The following VAV1 variants were observed in gnomAD, a reference collection of about 807,000 sequenced individuals.
VAV1 encodes vav guanine nucleotide exchange factor 1.
Under a neutral mutation model 128.1 loss-of-function variants are expected in VAV1, and 33 were observed. The ratio of observed to expected loss-of-function variants is 0.26; its 90% CI spans 0.20 to 0.34. The LOEUF is 0.34. Ranked by LOEUF, VAV1 falls within the 10% of genes least tolerant of loss-of-function variation. The pLI, the probability that VAV1 is intolerant of heterozygous loss-of-function variation, is 1.00. For missense variants in VAV1, 715 were observed against 1,093.7 expected (o/e 0.65, Z 4.88); for synonymous variants, 394 against 409.8 (o/e 0.96, Z 0.47).
intron 26 of VAV1, among the ~76,000 whole-genome samples, chr19:6,855,718 T>C (rs1422710914): frequency 6.6e-6 from 1 of 152,034 alleles, no homozygotes; most frequent in Non-Finnish European, 1.5e-5. Flanking sequence ...CACCAGTCCA[T>C]TAATTCATCC....
chr19:6,818,779 A>G (rs558193246), intron 1 of VAV1, among the ~76,000 whole-genome samples: 63 of 152,214 alleles, frequency 4.1e-4, no homozygotes, highest in Non-Finnish European at 7.9e-4. Context: ...TGTCTACTGA[A>G]ATGAGCCCTT....
intron 1 of VAV1, among the ~76,000 whole-genome samples, chr19:6,792,438 G>C (rs1055529192): frequency 6.6e-6 from 1 of 152,102 alleles, no homozygotes; most frequent in Non-Finnish European, 1.5e-5. Context: ...TACAGCTTAG[G>C]GACTTGCGTG....
chr19:6,832,548 TTCCTCCTCCTCTC>T (rs1972090556), intron 15 of VAV1, among the ~76,000 whole-genome samples: 3 of 72,280 alleles, frequency 4.2e-5, no homozygotes, highest in African/African-American at 1.5e-4. Context: ...CCTCTTCTTC[TTCCTCCTCCTCTC>T]CTTCCTCCCC....
At chr19:6,811,455 G>A (rs975672586) in intron 1 of VAV1, among the ~76,000 whole-genome samples, 5 of 152,140 alleles carry the variant, frequency 3.3e-5, no homozygotes, top group African/African-American at 1.2e-4. Context: ...CAGCACAGGC[G>A]TCTTCGTTGT....
At chr19:6,807,398 A>G (rs556971188) in intron 1 of VAV1, among the ~76,000 whole-genome samples, 31 of 152,018 alleles carry the variant, frequency 2.0e-4, no homozygotes, top group Non-Finnish European at 3.8e-4. Context: ...TGGAGTTCAC[A>G]GTAGGGTTTG....
At chr19:6,809,878 C>T (rs985547618) in intron 1 of VAV1, among the ~76,000 whole-genome samples, 12 of 151,794 alleles carry the variant, frequency 7.9e-5, no homozygotes, top group Admixed American at 4.6e-4. Flanking sequence ...TTCAATGAAT[C>T]CTCCATTTCC....
chr19:6,825,252 C>A (rs1207877821), intron 7 of VAV1, 51 bp from the exon 8 acceptor site: 3 of 1,581,926 alleles, frequency 1.9e-6, no homozygotes, highest in Admixed American at 1.7e-5. Flanking sequence ...TCCTTCCTGG[C>A]CCCCTGAGCC....
At chr19:6,821,014 A>G (rs1446035451) in intron 2 of VAV1, among the ~76,000 whole-genome samples, 196 bp downstream of exon 2, 3 of 152,212 alleles carry the variant, frequency 2.0e-5, no homozygotes, top group Non-Finnish European at 4.4e-5. Flanking sequence ...GTGACCTTGG[A>G]TACGTGGCTG....
chr19:6,809,053 G>A (rs1349270009), intron 1 of VAV1, among the ~76,000 whole-genome samples: 2 of 149,732 alleles, frequency 1.3e-5, no homozygotes, highest in African/African-American at 4.9e-5. Context: ...AGATACAAAA[G>A]ATGAAGACTT....
intron 1 of VAV1, among the ~76,000 whole-genome samples, chr19:6,779,928 G>A (rs375642405): frequency 3.4e-5 from 5 of 149,094 alleles, no homozygotes; most frequent in South Asian, 2.2e-4. Flanking sequence ...TGGCTAACAC[G>A]GTGAAACCCC....
chr19:6,809,756 C>T (rs536625496), intron 1 of VAV1, among the ~76,000 whole-genome samples: 1 of 152,224 alleles, frequency 6.6e-6, no homozygotes, highest in East Asian at 1.9e-4. Context: ...AAGGTGATCA[C>T]TGCGGTGGCT....
intron 21 of VAV1, among the ~76,000 whole-genome samples, chr19:6,840,501 G>A (rs957177436): frequency 3.3e-5 from 5 of 150,382 alleles, no homozygotes; most frequent in Non-Finnish European, 5.9e-5. Context: ...GAGTTTCACC[G>A]TGTTAGCCAG....
At chr19:6,821,559 G>A (rs1369975027) in intron 2 of VAV1, 63 bp from the exon 3 acceptor site, 3 of 1,598,630 alleles carry the variant, frequency 1.9e-6, no homozygotes, top group African/African-American at 2.7e-5. Context: ...CTTGCAGCTG[G>A]AAGCTGTGTT....
intron 1 of VAV1, among the ~76,000 whole-genome samples, chr19:6,778,126 A>G (rs2144688860): frequency 6.6e-6 from 1 of 152,258 alleles, no homozygotes; most frequent in East Asian, 1.9e-4. Context: ...TAGTAGAGAC[A>G]GGGTTTCAGC....
chr19:6,847,293 A>G (rs895145912), intron 22 of VAV1, among the ~76,000 whole-genome samples: 2 of 151,692 alleles, frequency 1.3e-5, no homozygotes, highest in African/African-American at 4.8e-5. Flanking sequence ...CCCAAGAGAA[A>G]CCCCATCCCG....
chr19:6,788,896 G>T (rs473021), intron 1 of VAV1, among the ~76,000 whole-genome samples: 30,857 of 152,134 alleles, frequency 0.2, 3,416 homozygotes, highest in African/African-American at 0.29. Flanking sequence ...TGTTTATATG[G>T]GCAGTGACTT....
intron 1 of VAV1, among the ~76,000 whole-genome samples, chr19:6,794,469 C>T (rs143711229): frequency 1.1e-3 from 163 of 152,154 alleles, no homozygotes; most frequent in African/African-American, 3.7e-3. Flanking sequence ...TGCATCACTG[C>T]GCTCAGGCCT....
rs1599630284 is a variant in VAV1, at chr19:6,795,747, G to A, written c.204+22736G>A. 2.0e-5 allele frequency among the ~76,000 whole-genome samples: 3 copies of A among 152,160 alleles called. No individual in the cohort carries two copies. The South Asian group carries it at 6.2e-4, about 32-fold the overall frequency. ...CGCCCAGGCTGGAGTGCAGTGGTGC[G>A]ATCTCAGCTCACTGCAACCTCCGCC... On this transcript the variant is annotated intron_variant, in intron 1 of 26. Transcript: ENST00000602142.
chr19:6,830,569 A>C (rs1031858252), intron 14 of VAV1, among the ~76,000 whole-genome samples: 1 of 151,778 alleles, frequency 6.6e-6, no homozygotes, highest in Admixed American at 6.6e-5. Context: ...CCTCCCGAGT[A>C]GCTGGGATTA....
Sources: allele counts gnomAD v4.1 joint callset (sites outside exome capture counted in the v4.1 genomes callset), GRCh38; gene constraint gnomAD v4.1.1; transcripts MANE v1.5; gene names NCBI Gene and HGNC (gene_info 2026-07-23, HGNC 2026-07-21).